SEH1L: variants seen among roughly 807,000 people sequenced by gnomAD.
SEH1L encodes the protein nucleoporin SEH1.
In SEH1L, 18 loss-of-function variants were observed where a neutral mutation model predicts 49.5. That is an observed-to-expected ratio of 0.36 (90% CI 0.25 to 0.54). The LOEUF (loss-of-function observed/expected upper bound fraction) is 0.54. SEH1L is among the 20% of genes least tolerant of loss of function. The pLI, the probability that SEH1L is intolerant of heterozygous loss-of-function variation, is 0.87. For synonymous variants in SEH1L, 169 were observed against 178.1 expected, an observed-to-expected ratio of 0.95 and a Z score of 0.41; for missense variants, 404 against 528.8, an observed-to-expected ratio of 0.76 and a Z score of 2.31.
chr18:12,955,671 C>T (rs969766777), intron 3 of SEH1L, 62 bp downstream of exon 3: 16 of 1,536,636 alleles, frequency 1.0e-5, no homozygotes, highest in Admixed American at 3.4e-5. Flanking sequence ...AGCATTCATC[C>T]GAAGGCTACC....
intron 6 of SEH1L, among the ~76,000 whole-genome samples, chr18:12,979,953 C>T (rs1447728793): frequency 7.7e-6 from 1 of 130,498 alleles, no homozygotes; most frequent in African/African-American, 3.0e-5. Context: ...GGCGGCCGGG[C>T]AGAGGTGCCC....
intron 6 of SEH1L, among the ~76,000 whole-genome samples, chr18:12,981,242 T>C (rs2032241494): frequency 1.3e-5 from 2 of 150,908 alleles, no homozygotes; most frequent in South Asian, 4.2e-4. Context: ...GCAGAGAGGC[T>C]CCTCACATCC....
At chr18:12,986,671 A>G in intron 8 of SEH1L, 191 bp from the exon 9 acceptor site, 3 of 1,221,592 alleles carry the variant, frequency 2.5e-6, no homozygotes, top group Non-Finnish European at 3.1e-6. Context: ...TGATTTGAGT[A>G]AGGGTCTTGA....
At chr18:12,967,922 A>C (rs895971985) in intron 4 of SEH1L, among the ~76,000 whole-genome samples, 1 of 152,074 alleles carries the variant, frequency 6.6e-6, no homozygotes, top group African/African-American at 2.4e-5. Flanking sequence ...AAAAAAGAGA[A>C]AAAAAAGAAA....
At chr18:12,970,936 CAG>C (rs1245438436) in intron 4 of SEH1L, among the ~76,000 whole-genome samples, 1 of 152,142 alleles carries the variant, frequency 6.6e-6, no homozygotes. Flanking sequence ...ATGCTAAAAA[CAG>C]TTCATAAGGA....
intron 5 of SEH1L, among the ~76,000 whole-genome samples, chr18:12,975,126 G>A: frequency 6.6e-6 from 1 of 151,886 alleles, no homozygotes; most frequent in East Asian, 1.9e-4. Context: ...CCAAGTAGCT[G>A]GGATCACAGG....
In SEH1L at chr18:12,987,107, T is replaced by A; in HGVS notation, c.*50T>A. ...CTTATTCAAGTGCTTGTAAATGCTT[T>A]CATTTCTGGCTGCTTTTTGTTTTTC... On this transcript the variant is annotated 3_prime_UTR_variant, in exon 9 of 9. Transcript: ENST00000399892. 7.6e-7 allele frequency: 1 copy of A among 1,307,630 alleles called. No individual in the cohort carries two copies. Among genetic ancestry groups the A allele is most frequent in the Non-Finnish European group, 1.1e-6 (1 of 951,222 alleles). 81.0% of individuals were successfully genotyped at this position (1,307,630 alleles called of 1,614,324 possible). A position where few individuals can be genotyped will look rare whatever the true frequency, so the allele number is the denominator to read the frequency against.
intron 5 of SEH1L, 152 bp from the exon 6 acceptor site, chr18:12,978,600 G>T: frequency 1.7e-6 from 1 of 599,180 alleles, no homozygotes; most frequent in Non-Finnish European, 2.9e-6. Flanking sequence ...GTCAGGACTT[G>T]GACATATTCT....
At chr18:12,952,493 G>A (rs2030603596) in intron 2 of SEH1L, among the ~76,000 whole-genome samples, 1 of 152,122 alleles carries the variant, frequency 6.6e-6, no homozygotes, top group South Asian at 2.1e-4. Context: ...GCCTCCCAAA[G>A]TGCTGGGTTT....
At chr18:12,966,620 T>A (rs2031466596) in intron 4 of SEH1L, among the ~76,000 whole-genome samples, 1 of 152,172 alleles carries the variant, frequency 6.6e-6, no homozygotes, top group Non-Finnish European at 1.5e-5. Context: ...CAGAATGGTG[T>A]TGAACTCCTG....
Position 12,948,245 on chromosome 18 carries a change from C to T in SEH1L, c.111+13C>T. On this transcript the variant is annotated intron_variant, in intron 1 of 8. Coordinates refer to ENST00000399892, the MANE Select transcript of SEH1L (RefSeq NM_001013437.2). ...TCAGAGCGTTAAGGTGCGCGCGGCGCTTGCGGGCGGGGCCGACCCCGGAAG... is the reference window on the plus strand; with the variant it reads ...TCAGAGCGTTAAGGTGCGCGCGGCGTTTGCGGGCGGGGCCGACCCCGGAAG... 1 of 1,601,842 alleles carries T rather than the reference C, an allele frequency of 6.2e-7. No homozygotes were observed. Among genetic ancestry groups the T allele is most frequent in the Non-Finnish European group, 8.5e-7 (1 of 1,171,720 alleles).
In SEH1L at chr18:12,951,862, A is replaced by G; in HGVS notation, c.119A>G (p.Asp40Gly). The change falls in exon 2 of 9, where the codon GAT becomes GGT. Residue 40 changes from aspartate to glycine, a missense_variant. Asp to Gly is a moderately conservative substitution (Grantham distance 94, BLOSUM62 -1). This residue lies in a region of SEH1L where 57 missense variants were observed against 71.9 expected (regional missense o/e 0.79). Transcript: ENST00000399892. ...CCTTTTATTTTCTTATAGGTCTGGG[A>G]TAAAAGTGAAAGTGGTGATTGGCAT... ...CSSDQSVKVW[D>G]KSESGDWHCT... 1.3e-6 allele frequency: 2 copies of G among 1,574,144 alleles called. No homozygotes were observed. Among genetic ancestry groups the G allele is most frequent in the Non-Finnish European group, 1.7e-6 (2 of 1,154,082 alleles).
rs1050402169 is a variant in SEH1L, at chr18:12,965,605, A to G, written c.521+2234A>G. Among the ~76,000 whole-genome samples, 51 of 152,222 alleles carry G rather than the reference A, an allele frequency of 3.4e-4. 1 individual carries two copies. Among genetic ancestry groups the G allele is most frequent in the Non-Finnish European group, 7.2e-4 (49 of 68,042 alleles). On this transcript the variant is annotated intron_variant, in intron 4 of 8. Coordinates refer to ENST00000399892, the MANE Select transcript of SEH1L (RefSeq NM_001013437.2). ...CGAATGTAAGAATTTCAAAAGATAC[A>G]GTTCTTGCATATTTTTAACTAGGTT...
chr18:12,982,724 A>G (rs760966657), intron 7 of SEH1L, 49 bp downstream of exon 7: 2 of 1,363,222 alleles, frequency 1.5e-6, no homozygotes, highest in Admixed American at 4.8e-5. Context: ...TCTGCTCTGC[A>G]ATTTTTACTT....
At chr18:12,951,308 G>A (rs1445785770) in intron 1 of SEH1L, among the ~76,000 whole-genome samples, 2 of 152,218 alleles carry the variant, frequency 1.3e-5, no homozygotes, top group Non-Finnish European at 1.5e-5. Flanking sequence ...CGTAGTGACT[G>A]TAACTAATTG....
intron 4 of SEH1L, among the ~76,000 whole-genome samples, chr18:12,966,313 A>G (rs1321719838): frequency 6.6e-6 from 1 of 152,126 alleles, no homozygotes; most frequent in Non-Finnish European, 1.5e-5. Flanking sequence ...GCTGGTCTCG[A>G]ACTCCTGAGC....
chr18:12,965,533 T>G (rs966895509), intron 4 of SEH1L, among the ~76,000 whole-genome samples: 4 of 152,220 alleles, frequency 2.6e-5, no homozygotes, highest in African/African-American at 9.6e-5. Context: ...GAAAATGTCT[T>G]AATTTGACTC....
chr18:12,978,864 G>A lies in SEH1L; in HGVS notation c.733G>A (p.Val245Met), dbSNP rs770769506. The A allele has an allele frequency of 3.7e-6, 6 of 1,614,058 alleles. No homozygotes were observed. The South Asian group carries it at 5.5e-5, about 15-fold the overall frequency. ...FHILAIATKD[V>M]RIFTLKPVRK... ...TATTCTAGCAATAGCGACCAAAGAT[G>A]TGAGAATTTTTACATTAAAGCCTGT... Residue 245 changes from valine to methionine, a missense_variant, in exon 6 of 9, where the codon GTG (valine) becomes ATG (methionine). Physicochemically the swap from Val to Met is conservative, Grantham distance 21. Coordinates refer to ENST00000399892, the MANE Select transcript of SEH1L (RefSeq NM_001013437.2).
intron 4 of SEH1L, among the ~76,000 whole-genome samples, 180 bp downstream of exon 4, chr18:12,963,551 C>T (rs752853402): frequency 3.1e-4 from 47 of 152,122 alleles, no homozygotes; most frequent in Non-Finnish European, 5.4e-4. Context: ...CAGAGGAAGC[C>T]GGCATTGTAA....
Sources: allele counts gnomAD v4.1 joint callset (sites outside exome capture counted in the v4.1 genomes callset), GRCh38; gene constraint gnomAD v4.1.1; regional missense constraint gnomAD v4.1.1; transcripts MANE v1.5; gene names NCBI Gene and HGNC (gene_info 2026-07-23, HGNC 2026-07-21).